The following TBC1D32 variants were observed in gnomAD, a reference collection of about 807,000 sequenced individuals.
The protein encoded by TBC1D32 is protein broad-minded.
TBC1D32 carries 151 observed loss-of-function variants against 170.3 expected under a neutral mutation model. The observed-to-expected ratio is 0.89, with a 90% CI of 0.78 to 1.01. The LOEUF (loss-of-function observed/expected upper bound fraction) is 1.01. TBC1D32 is among the 50% of genes least tolerant of loss of function. TBC1D32 has a pLI of 0.00. For synonymous variants in TBC1D32, 498 were observed against 488.0 expected (o/e 1.02, Z -0.27); for missense variants, 1,464 against 1,457.1 (o/e 1.00, Z -0.08).
At chr6:121,136,333 C>G (rs1298578959) in intron 24 of TBC1D32, among the ~76,000 whole-genome samples, 1 of 152,142 alleles carries the variant, frequency 6.6e-6, no homozygotes, top group Admixed American at 6.5e-5. Flanking sequence ...CTATGTAATT[C>G]TATTTGTATG....
At chr6:121,104,578 ATAAG>A (rs978817246) in intron 30 of TBC1D32, among the ~76,000 whole-genome samples, 4 of 151,902 alleles carry the variant, frequency 2.6e-5, no homozygotes, top group South Asian at 2.1e-4. Context: ...GATGGAGAAG[ATAAG>A]TAAGTTGACA....
intron 12 of TBC1D32, among the ~76,000 whole-genome samples, chr6:121,290,777 T>G (rs1417415846): frequency 3.3e-5 from 5 of 151,674 alleles, no homozygotes; most frequent in Admixed American, 1.3e-4. Flanking sequence ...TAGACTGGAT[T>G]AAGAAAATGT....
intron 3 of TBC1D32, among the ~76,000 whole-genome samples, chr6:121,312,760 T>G (rs1214259342): frequency 6.6e-6 from 1 of 152,210 alleles, no homozygotes; most frequent in East Asian, 1.9e-4. Flanking sequence ...ATAGTTTTCT[T>G]TAAATCAAGA....
At chr6:121,237,215 C>T (rs1207762843) in intron 20 of TBC1D32, among the ~76,000 whole-genome samples, 2 of 152,010 alleles carry the variant, frequency 1.3e-5, no homozygotes, top group Admixed American at 6.6e-5. Flanking sequence ...AGATGCTCTA[C>T]TGCCTCCTGG....
At chr6:121,204,724 T>C (rs1050714838) in intron 22 of TBC1D32, among the ~76,000 whole-genome samples, 2 of 149,948 alleles carry the variant, frequency 1.3e-5, no homozygotes, top group African/African-American at 5.1e-5. Flanking sequence ...CATCCTTTTC[T>C]AGGCCTCTTT....
At chr6:121,316,473 C>CT (rs1808953204) in intron 3 of TBC1D32, among the ~76,000 whole-genome samples, 1 of 152,090 alleles carries the variant, frequency 6.6e-6, no homozygotes, top group Non-Finnish European at 1.5e-5. Context: ...TATACCCCAC[C>CT]TTTTTCCACA....
intron 9 of TBC1D32, 108 bp from the exon 10 acceptor site, chr6:121,299,613 T>A: frequency 9.2e-7 from 1 of 1,086,612 alleles, no homozygotes; most frequent in Non-Finnish European, 1.3e-6. Flanking sequence ...ATAGCTTAGG[T>A]TTAAACCCTT....
intron 22 of TBC1D32, among the ~76,000 whole-genome samples, chr6:121,196,621 A>G (rs572211388): frequency 3.4e-4 from 52 of 152,318 alleles, no homozygotes; most frequent in African/African-American, 1.1e-3. Context: ...CTTTACGGCT[A>G]AAGAAGCAGG....
chr6:121,116,125 T>C (rs534077312), intron 26 of TBC1D32, among the ~76,000 whole-genome samples: 1 of 151,354 alleles, frequency 6.6e-6, no homozygotes, highest in African/African-American at 2.4e-5. Context: ...CATAGTTATC[T>C]AGTGGTAGAG....
chr6:121,270,290 C>T (rs1801182077), intron 15 of TBC1D32, among the ~76,000 whole-genome samples: 1 of 151,568 alleles, frequency 6.6e-6, no homozygotes, highest in African/African-American at 2.4e-5. Context: ...GATAGAGACA[C>T]AAAAAAACCC....
intron 25 of TBC1D32, chr6:121,130,037 AAAG>A (rs746136867): frequency 2.7e-6 from 1 of 367,572 alleles, no homozygotes; most frequent in Non-Finnish European, 5.2e-6. Context: ...CCTTTTTTAA[AAAG>A]AAGACTCTTA....
chr6:121,307,271 G>C (rs541227856), intron 5 of TBC1D32, among the ~76,000 whole-genome samples: 2 of 152,200 alleles, frequency 1.3e-5, no homozygotes, highest in Admixed American at 6.5e-5. Context: ...AGCTACTTGG[G>C]AGACTGAGGT....
intron 20 of TBC1D32, among the ~76,000 whole-genome samples, chr6:121,231,573 G>A (rs998482058): frequency 6.6e-5 from 10 of 151,860 alleles, no homozygotes; most frequent in Admixed American, 1.3e-4. Flanking sequence ...CTGCATCCAC[G>A]CCAACATCTA....
chr6:121,184,900 T>C lies in TBC1D32; in HGVS notation c.2570+20175A>G, dbSNP rs572692872. 1.2e-4 allele frequency among the ~76,000 whole-genome samples: 19 copies of C among 152,170 alleles called. No individual in the cohort carries two copies. The South Asian group carries it at 3.3e-3, about 27-fold the overall frequency. Reference sequence around the variant, plus strand: ...GCAGCTGAGGAAAGAGGCCGACCTATCCATGAAAGGGATTATTTTGCCTCC... The same window carrying C: ...GCAGCTGAGGAAAGAGGCCGACCTACCCATGAAAGGGATTATTTTGCCTCC... On this transcript the variant is annotated intron_variant, in intron 22 of 31. Coordinates refer to ENST00000398212, the MANE Select transcript of TBC1D32 (RefSeq NM_152730.6).
chr6:121,142,089 T>C (rs1187790536), intron 24 of TBC1D32, among the ~76,000 whole-genome samples: 2 of 152,260 alleles, frequency 1.3e-5, no homozygotes, highest in Non-Finnish European at 2.9e-5. Flanking sequence ...TCATTAAATC[T>C]GTACTAAATA....
intron 24 of TBC1D32, among the ~76,000 whole-genome samples, chr6:121,132,038 CTGAG>C (rs1365335467): frequency 6.6e-6 from 1 of 151,938 alleles, no homozygotes; most frequent in East Asian, 1.9e-4. Context: ...TGGCTCATTA[CTGAG>C]TATCTGTTTT....
intron 22 of TBC1D32, among the ~76,000 whole-genome samples, chr6:121,192,085 C>CATA (rs1221051008): frequency 3.0e-5 from 2 of 66,406 alleles, no homozygotes; most frequent in Non-Finnish European, 6.2e-5. Context: ...TATATATATC[C>CATA]TATTAGTTCT....
chr6:121,239,013 T>C, intron 20 of TBC1D32, 57 bp downstream of exon 20: 1 of 961,622 alleles, frequency 1.0e-6, no homozygotes, highest in Non-Finnish European at 1.6e-6. Context: ...TATGAACGAA[T>C]TCATTTCTGT....
intron 26 of TBC1D32, among the ~76,000 whole-genome samples, chr6:121,121,058 T>A (rs980160413): frequency 2.6e-5 from 4 of 152,028 alleles, no homozygotes; most frequent in African/African-American, 9.7e-5. Context: ...TATATATATA[T>A]AATTAAATCT....
Sources: allele counts gnomAD v4.1 joint callset (sites outside exome capture counted in the v4.1 genomes callset), GRCh38; gene constraint gnomAD v4.1.1; transcripts MANE v1.5; gene names NCBI Gene and HGNC (gene_info 2026-07-23, HGNC 2026-07-21).